The following PIEZO1 variants were observed in gnomAD, a reference collection of about 807,000 sequenced individuals.
The protein encoded by PIEZO1 is piezo-type mechanosensitive ion channel component 1.
In PIEZO1, 296 loss-of-function variants were observed where a neutral mutation model predicts 297.2. The observed-to-expected ratio is 1.00, with a 90% CI of 0.91 to 1.10. PIEZO1 has a LOEUF of 1.10. Among genes scored for constraint, PIEZO1 ranks in the 50% least tolerant of loss-of-function variants. The pLI is 0.00. For missense variants in PIEZO1, 5,018 were observed against 3,455.5 expected (o/e 1.45, Z -11.34); for synonymous variants, 2,427 against 1,507.5 (o/e 1.61, Z -14.13).
At chr16:88,718,487 A>C (rs1043281285) in intron 44 of PIEZO1, 3 of 152,292 alleles carry the variant, frequency 2.0e-5, no homozygotes, top group African/African-American at 7.2e-5. Context: ...ATGCCACAGA[A>C]TATCATTTGC....
At chr16:88,745,985 C>T (rs540741566) in intron 2 of PIEZO1, among the ~76,000 whole-genome samples, 13 of 152,328 alleles carry the variant, frequency 8.5e-5, no homozygotes, top group African/African-American at 3.1e-4. Flanking sequence ...ACCTGCCGGA[C>T]AAGGGCTGGG....
intron 1 of PIEZO1, among the ~76,000 whole-genome samples, chr16:88,783,946 G>C (rs1053085426): frequency 6.6e-6 from 1 of 152,224 alleles, no homozygotes; most frequent in Non-Finnish European, 1.5e-5. Context: ...TGTCCATGGC[G>C]GACTCCCAAT....
chr16:88,760,704 GC>G (rs930493999), intron 1 of PIEZO1, among the ~76,000 whole-genome samples: 3 of 152,164 alleles, frequency 2.0e-5, no homozygotes, highest in African/African-American at 7.2e-5. Flanking sequence ...GGAGACACCC[GC>G]CTTTGACGCA....
chr16:88,721,947 TAGC>T lies in PIEZO1; in HGVS notation c.5072_5074del (p.Cys1691del). 5 of 1,550,128 alleles carry T rather than the reference TAGC, an allele frequency of 3.2e-6. No homozygotes were observed. Among genetic ancestry groups the T allele is most frequent in the South Asian group, 1.2e-5 (1 of 84,064 alleles). On this transcript the variant is annotated inframe_deletion, in exon 37 of 51. Coordinates refer to ENST00000301015, the MANE Select transcript of PIEZO1 (RefSeq NM_001142864.4). Reference sequence around the variant, plus strand: ...CATGTGGTTGAGGATGATGATGAAGTAGCAGAGCAGCTCCGAGTGGGCGGCCAC... The same window carrying T: ...CATGTGGTTGAGGATGATGATGAAGTAGAGCAGCTCCGAGTGGGCGGCCAC...
At chr16:88,782,997 A>G (rs1908005008) in intron 1 of PIEZO1, among the ~76,000 whole-genome samples, 2 of 152,230 alleles carry the variant, frequency 1.3e-5, no homozygotes, top group African/African-American at 4.8e-5. Flanking sequence ...TTTCAAATTA[A>G]GAGACTTTAT....
chr16:88,728,477 G>C (rs1310539445), intron 22 of PIEZO1, among the ~76,000 whole-genome samples: 1 of 146,928 alleles, frequency 6.8e-6, no homozygotes, highest in Admixed American at 6.8e-5. Flanking sequence ...CAAAAGCAAA[G>C]TGACCCTCGA....
chr16:88,767,944 G>A (rs765423465), intron 1 of PIEZO1, among the ~76,000 whole-genome samples: 4 of 152,158 alleles, frequency 2.6e-5, no homozygotes, highest in Non-Finnish European at 4.4e-5. Flanking sequence ...CGAGACTCAC[G>A]CACATGCTTC....
At chr16:88,743,715 C>A in intron 2 of PIEZO1, 1 of 448,562 alleles carries the variant, frequency 2.2e-6, no homozygotes. Flanking sequence ...CTAAGCCTGA[C>A]CGTGAAGCAG....
At chr16:88,746,315 G>A (rs961750692) in intron 2 of PIEZO1, among the ~76,000 whole-genome samples, 3 of 152,178 alleles carry the variant, frequency 2.0e-5, no homozygotes, top group African/African-American at 7.2e-5. Flanking sequence ...TCTCCAGACA[G>A]CAGGGTCAGT....
intron 1 of PIEZO1, among the ~76,000 whole-genome samples, chr16:88,755,168 G>A (rs1043873588): frequency 1.3e-5 from 2 of 152,212 alleles, no homozygotes; most frequent in Admixed American, 6.5e-5. Context: ...CATTGCAGAC[G>A]AGGAGATGGA....
intron 18 of PIEZO1, 63 bp from the exon 19 acceptor site, chr16:88,733,517 T>C (rs1278953231): frequency 5.2e-6 from 8 of 1,529,944 alleles, no homozygotes; most frequent in African/African-American, 1.4e-5. Context: ...GGGCTGGGCT[T>C]GGGGAGGCCA....
intron 21 of PIEZO1, 46 bp downstream of exon 21, chr16:88,732,289 C>G (rs375531314): frequency 2.7e-6 from 4 of 1,503,360 alleles, no homozygotes; most frequent in African/African-American, 1.4e-5. Context: ...CCCTCCCTCC[C>G]GAAGGCCAAG....
In PIEZO1 at chr16:88,721,210, C is replaced by A. The variant is rs1029268942; in HGVS notation, c.5624G>T (p.Arg1875Ile). 1.3e-6 allele frequency: 2 copies of A among 1,529,314 alleles called. No homozygotes were observed. The highest frequency in any genetic ancestry group is 1.8e-6 in the Non-Finnish European group (2 of 1,139,526). 94.7% of individuals were successfully genotyped at this position (1,529,314 alleles called of 1,614,324 possible). Residue 1875 changes from arginine to isoleucine, a missense_variant, in exon 39 of 51, where the codon AGA (arginine) becomes ATA (isoleucine). By Grantham distance (97) the Arg-to-Ile change is moderately conservative. Coordinates refer to ENST00000301015, the MANE Select transcript of PIEZO1 (RefSeq NM_001142864.4). ...CCGTGCTGGGCCCTCCTTCTTCCTTCTTCTAAAACGTAGACTGATGCGCCT... is the reference window on the plus strand; with the variant it reads ...CCGTGCTGGGCCCTCCTTCTTCCTTATTCTAAAACGTAGACTGATGCGCCT... The part of the protein sequence containing the change: ...DTRRISLRFR[R>I]RKKEGPARKG...
chr16:88,726,492 C>A (rs1274903255), intron 26 of PIEZO1, 37 bp from the exon 27 acceptor site: 7 of 1,547,436 alleles, frequency 4.5e-6, no homozygotes, highest in Non-Finnish European at 6.1e-6. Context: ...AGGCCCAGGG[C>A]CCAGGAGCAG....
chr16:88,719,268 G>C (rs904899484), intron 44 of PIEZO1: 4 of 345,818 alleles, frequency 1.2e-5, no homozygotes, highest in South Asian at 3.7e-5. Flanking sequence ...TCTGAGAAAG[G>C]CCATTAAACA....
intron 1 of PIEZO1, among the ~76,000 whole-genome samples, chr16:88,765,636 T>G (rs962230880): frequency 6.6e-6 from 1 of 150,986 alleles, no homozygotes; most frequent in African/African-American, 2.4e-5. Flanking sequence ...CCTGGCTCCC[T>G]GGTCTCTAGA....
chr16:88,760,490 G>C (rs995999995), intron 1 of PIEZO1, among the ~76,000 whole-genome samples: 13 of 152,272 alleles, frequency 8.5e-5, no homozygotes, highest in African/African-American at 3.1e-4. Flanking sequence ...GGCCCTAGGA[G>C]AGCTTTGTCC....
intron 1 of PIEZO1, among the ~76,000 whole-genome samples, chr16:88,784,650 C>A (rs1908095462): frequency 1.3e-5 from 2 of 151,852 alleles, no homozygotes; most frequent in East Asian, 1.9e-4. Context: ...GCTCGACCGC[C>A]CCCGTGGGCA....
Position 88,727,031 on chromosome 16 carries a change from G to A in PIEZO1, c.3455+8C>T, listed in dbSNP as rs751316232. 1 of 1,548,202 alleles carries A rather than the reference G, an allele frequency of 6.5e-7. No individual in the cohort carries two copies. The highest frequency in any genetic ancestry group is 1.2e-5 in the South Asian group (1 of 84,006). The stretch of plus-strand genomic sequence containing the variant: ...AAGGTTCCCCGTGGAGGGTGACGTG[G>A]AACCCACCTGCAGTGGATAAAGTTG... On this transcript the variant is annotated splice_region_variant and intron_variant, in intron 24 of 50. Transcript: ENST00000301015.
Sources: gnomAD v4.1 joint callset for allele counts (sites outside exome capture counted in the v4.1 genomes callset) on GRCh38, gnomAD v4.1.1 for gene constraint, MANE v1.5 for transcripts, NCBI Gene and HGNC (gene_info 2026-07-23, HGNC 2026-07-21) for gene names.